Variants in GPAM observed in about 807,000 individuals in gnomAD.
The protein encoded by GPAM is glycerol-3-phosphate acyltransferase 1, mitochondrial.
A neutral mutation model predicts 105.0 loss-of-function variants in GPAM; 56 were observed. That is an observed-to-expected ratio of 0.53 (90% CI 0.43 to 0.67). The LOEUF (loss-of-function observed/expected upper bound fraction) is 0.67, where lower values mean the gene tolerates loss of function less well. Ranked by LOEUF, GPAM falls within the 30% of genes least tolerant of loss-of-function variation. The probability of loss-of-function intolerance (pLI) is 0.00; values close to 1 mark genes in which losing one functional copy is unlikely to be tolerated. For missense variants in GPAM, 855 were observed against 989.8 expected (o/e 0.86, Z 1.83); for synonymous variants, 368 against 354.4 (o/e 1.04, Z -0.43).
chr10:112,186,334 T>G (rs1847595718), upstream of GPAM, among the ~76,000 whole-genome samples: 2 of 151,212 alleles, frequency 1.3e-5, no homozygotes, highest in Admixed American at 1.3e-4. Context: ...AAAAATAAAA[T>G]AAAAACATAT....
chr10:112,173,536 C>T (rs1847350165), intron 7 of GPAM, among the ~76,000 whole-genome samples, 163 bp downstream of exon 7: 1 of 152,098 alleles, frequency 6.6e-6, no homozygotes, highest in Non-Finnish European at 1.5e-5. Flanking sequence ...CTACTTTGCA[C>T]GAAAGCTGAA....
At chr10:112,194,835 CTTCATTCTCACT>C (rs757716642) in intron 1 of GPAM, among the ~76,000 whole-genome samples, 2 of 152,266 alleles carry the variant, frequency 1.3e-5, no homozygotes, top group Non-Finnish European at 2.9e-5. Flanking sequence ...CAAGTCCTTC[CTTCATTCTCACT>C]TCATACCATC....
At chr10:112,216,978 A>AG (rs397847036), upstream of GPAM, among the ~76,000 whole-genome samples, 1 of 151,724 alleles carries the variant, frequency 6.6e-6, no homozygotes, top group South Asian at 2.1e-4. Context: ...AAAAAAAAAA[A>AG]TTGATATATA....
intron 17 of GPAM, 70 bp downstream of exon 17, chr10:112,159,841 A>C (rs1847089083): frequency 6.8e-7 from 1 of 1,467,518 alleles, no homozygotes; most frequent in Non-Finnish European, 9.5e-7. Context: ...ACAGAAAAAC[A>C]CGGGGGGTTA....
intron 1 of GPAM, among the ~76,000 whole-genome samples, chr10:112,204,875 T>G (rs1200674777): frequency 1.7e-5 from 2 of 118,446 alleles, no homozygotes; most frequent in Non-Finnish European, 3.4e-5. Context: ...GGAAGTCAAA[T>G]TGTCCCTGTT....
At chr10:112,173,951 C>T in intron 6 of GPAM, 106 bp from the exon 7 acceptor site, 1 of 917,548 alleles carries the variant, frequency 1.1e-6, no homozygotes, top group Non-Finnish European at 1.8e-6. Context: ...AATGTATGTT[C>T]TCTTTAAAAT....
intron 1 of GPAM, among the ~76,000 whole-genome samples, chr10:112,208,782 C>T (rs1227532641): frequency 6.6e-6 from 1 of 152,106 alleles, no homozygotes; most frequent in Admixed American, 6.6e-5. Flanking sequence ...ATCAACTAAC[C>T]CCATCATTTG....
At position 112,160,745 on chromosome 10, in the gene GPAM, G is replaced by A. The variant is rs185127794; in HGVS notation, c.1618C>T (p.Leu540=). The A allele has an allele frequency of 8.1e-6, 13 of 1,614,084 alleles. No individual in the cohort carries two copies. The East Asian group carries it at 2.7e-4, about 33-fold the overall frequency. The change falls in exon 16 of 22, where the codon CTG becomes TTG. Residue 540 remains leucine (L), a synonymous_variant. Coordinates refer to ENST00000348367, the MANE Select transcript of GPAM (RefSeq NM_001244949.2). ...EDVVMHAIQL[L]GNCVTITHTS... Reference sequence around the variant, plus strand: ...TGGGTGATTGTGACACAATTTCCCAGCAGCTGTATGGCATGCATTACTACA... The same window carrying A: ...TGGGTGATTGTGACACAATTTCCCAACAGCTGTATGGCATGCATTACTACA...
At chr10:112,178,151 C>T (rs1847440771) in intron 4 of GPAM, 94 bp from the exon 5 acceptor site, 1 of 705,190 alleles carries the variant, frequency 1.4e-6, no homozygotes, top group South Asian at 1.6e-5. Flanking sequence ...TAATATCAAG[C>T]ATAAAAACAG....
intron 1 of GPAM, among the ~76,000 whole-genome samples, chr10:112,199,591 C>T (rs938573016): frequency 1.3e-5 from 2 of 152,150 alleles, no homozygotes; most frequent in Admixed American, 6.5e-5. Flanking sequence ...TTAATTAGCT[C>T]GATTTAATCA....
intron 1 of GPAM, among the ~76,000 whole-genome samples, chr10:112,209,470 G>C (rs1847887533): frequency 6.6e-6 from 1 of 152,102 alleles, no homozygotes; most frequent in Admixed American, 6.5e-5. Context: ...AGCCTGATGG[G>C]AGTCAGAATT....
At chr10:112,180,361 A>C in intron 4 of GPAM, 112 bp downstream of exon 4, 1 of 997,988 alleles carries the variant, frequency 1.0e-6, no homozygotes, top group East Asian at 2.4e-5. Context: ...TTGGTTCATA[A>C]ACATGGGTCT....
intron 14 of GPAM, among the ~76,000 whole-genome samples, chr10:112,163,394 T>C (rs2133237707): frequency 6.6e-6 from 1 of 152,338 alleles, no homozygotes; most frequent in African/African-American, 2.4e-5. Flanking sequence ...ACAAATTAGT[T>C]CAAGTAGTTC....
At chr10:112,218,200 G>A (rs61872284), upstream of GPAM, among the ~76,000 whole-genome samples, 5,801 of 152,304 alleles carry the variant, frequency 0.038, 151 homozygotes, top group Middle Eastern at 0.075. Flanking sequence ...GTGAGAGGAA[G>A]GTGAACTCTG....
At chr10:112,181,658 C>T (rs1740160727) in intron 3 of GPAM, 25 bp downstream of exon 3, 1 of 1,278,014 alleles carries the variant, frequency 7.8e-7, no homozygotes. Context: ...AGGCTGAGTG[C>T]TTTTAACTCT....
intron 1 of GPAM, among the ~76,000 whole-genome samples, chr10:112,204,438 G>A (rs945188947): frequency 2.6e-5 from 4 of 151,632 alleles, no homozygotes; most frequent in African/African-American, 4.8e-5. Flanking sequence ...AGAAGAGTAG[G>A]TTGTAAAGAT....
At chr10:112,153,793 C>G in intron 21 of GPAM, 127 bp from the exon 22 acceptor site, 1 of 1,031,310 alleles carries the variant, frequency 9.7e-7, no homozygotes, top group Non-Finnish European at 1.4e-6. Context: ...CATATCCTGG[C>G]ATTAAGTAAA....
At chr10:112,155,816 C>CAA (rs5787948) in intron 20 of GPAM, 48 bp downstream of exon 20, 21,096 of 1,042,358 alleles carry the variant, frequency 0.02, 1 homozygote, top group Non-Finnish European at 0.024. Context: ...TTCTGAAATC[C>CAA]AAAAAAAAAA....
intron 1 of GPAM, among the ~76,000 whole-genome samples, chr10:112,214,012 C>T (rs1847942243): frequency 1.3e-5 from 2 of 152,114 alleles, no homozygotes. Context: ...AACTTCTAGG[C>T]CCTCATACTC....
Sources: gnomAD v4.1 joint callset for allele counts (sites outside exome capture counted in the v4.1 genomes callset) on GRCh38, gnomAD v4.1.1 for gene constraint, MANE v1.5 for transcripts, NCBI Gene and HGNC (gene_info 2026-07-23, HGNC 2026-07-21) for gene names.